The following CDK12 variants were observed in gnomAD, a reference collection of about 807,000 sequenced individuals.
The protein encoded by CDK12 is cyclin-dependent kinase 12.
CDK12 carries 17 observed loss-of-function variants against 133.8 expected under a neutral mutation model. That is an observed-to-expected ratio of 0.13 (90% CI 0.09 to 0.19). The LOEUF (loss-of-function observed/expected upper bound fraction) is 0.19. CDK12 is among the 10% of genes least tolerant of loss of function. The pLI is 1.00. For missense variants in CDK12, 1,508 were observed against 1,818.7 expected (o/e 0.83, Z 3.11); for synonymous variants, 694 against 683.6 (o/e 1.02, Z -0.24).
rs2054567471 is a variant in CDK12, at chr17:39,527,559, G to C, written c.3760+1243G>C. On this transcript the variant is annotated intron_variant, in intron 13 of 13. Transcript: ENST00000447079. ...AAGGGTTTTGTTTGTTTATTTGTTTGTTTTTGGAGGCGGAGTCTTACTCCA... is the reference window on the plus strand; with the variant it reads ...AAGGGTTTTGTTTGTTTATTTGTTTCTTTTTGGAGGCGGAGTCTTACTCCA... 2.6e-5 allele frequency among the ~76,000 whole-genome samples: 4 copies of C among 152,286 alleles called. No homozygotes were observed. In the South Asian group the frequency reaches 6.2e-4, roughly 24 times the overall value.
chr17:39,523,309 A>G (rs1166072123), intron 11 of CDK12, among the ~76,000 whole-genome samples: 1 of 152,038 alleles, frequency 6.6e-6, no homozygotes, highest in African/African-American at 2.4e-5. Flanking sequence ...CCCCGTCTCT[A>G]CTAAAAAATA....
At chr17:39,510,754 C>T (rs1432260017) in intron 7 of CDK12, among the ~76,000 whole-genome samples, 2 of 151,574 alleles carry the variant, frequency 1.3e-5, no homozygotes, top group African/African-American at 4.8e-5. Flanking sequence ...GCTGGGATTA[C>T]AGGCATGTGC....
intron 2 of CDK12, among the ~76,000 whole-genome samples, chr17:39,487,281 T>G (rs1011791807): frequency 6.6e-6 from 1 of 152,186 alleles, no homozygotes; most frequent in Admixed American, 6.6e-5. Flanking sequence ...GCTGTTGAGA[T>G]TTATGTTCTT....
At chr17:39,544,398 T>C (rs1261268152), upstream of CDK12, 6 of 463,928 alleles carry the variant, frequency 1.3e-5, no homozygotes, top group Non-Finnish European at 2.2e-5. Context: ...ACTGGCCTGC[T>C]TTTGTGTGGG....
chr17:39,476,825 G>T (rs1177259894), intron 2 of CDK12, among the ~76,000 whole-genome samples: 1 of 143,742 alleles, frequency 7.0e-6, no homozygotes, highest in Non-Finnish European at 1.5e-5. Context: ...AAGTTCAAGC[G>T]ATTCTCCTGC....
Position 39,490,336 on chromosome 17 carries a change from T to C in CDK12, c.1932-221T>C, listed in dbSNP as rs12452682. Among the ~76,000 whole-genome samples the C allele has an allele frequency of 0.63, 95,547 of 151,158 alleles. 32,844 individuals are homozygous for C. The highest frequency in any genetic ancestry group is 0.89 in the South Asian group (4,243 of 4,766). On this transcript the variant is annotated intron_variant, in intron 2 of 13. Coordinates refer to ENST00000447079, the MANE Select transcript of CDK12 (RefSeq NM_016507.4). ...GAGCCAAGATCACGCCACTGCATTC[T>C]AGCCTGGGCGACAGAGTGATACTCT...
At chr17:39,556,443 C>G (rs1398472364) in intron 3 of CDK12, 2 of 152,400 alleles carry the variant, frequency 1.3e-5, no homozygotes, top group Non-Finnish European at 2.9e-5. Context: ...GGGCCCTGCC[C>G]TGGAGTAGAG....
At chr17:39,527,535 A>C (rs753016366) in intron 13 of CDK12, among the ~76,000 whole-genome samples, 4 of 152,120 alleles carry the variant, frequency 2.6e-5, no homozygotes, top group African/African-American at 9.7e-5. Context: ...AGTAAAATGA[A>C]GGGTTTTGTT....
rs764318749 is a variant in CDK12, at chr17:39,462,188, A to T, written c.117A>T (p.Val39=). The part of the protein sequence containing the change: ...SSNSRERHRL[V]SKHKRHKSKH... Reference sequence around the variant, plus strand: ...ACAGCAGAGAGCGTCACCGCTTGGTATCGAAGCACAAGCGGCATAAGTCCA... The same window carrying T: ...ACAGCAGAGAGCGTCACCGCTTGGTTTCGAAGCACAAGCGGCATAAGTCCA... Residue 39 remains valine, a synonymous_variant, in exon 1 of 14, where the codon GTA becomes GTT. Coordinates refer to ENST00000447079, the MANE Select transcript of CDK12 (RefSeq NM_016507.4). 6.2e-7 allele frequency: 1 copy of T among 1,614,090 alleles called. No individual in the cohort carries two copies. The highest frequency in any genetic ancestry group is 2.2e-5 in the East Asian group (1 of 44,902).
upstream of CDK12, among the ~76,000 whole-genome samples, chr17:39,546,933 A>C (rs919169984): frequency 7.9e-5 from 12 of 152,126 alleles, no homozygotes; most frequent in Non-Finnish European, 1.8e-4. Context: ...CCTGGTATCA[A>C]ATGTCCATCC....
At position 39,494,812 on chromosome 17, in the gene CDK12, C is replaced by T. The variant is rs976993012; in HGVS notation, c.2419+118C>T. 2.3e-4 allele frequency: 167 copies of T among 733,532 alleles called. 1 individual carries two copies. Among genetic ancestry groups the T allele is most frequent in the Middle Eastern group, 2.0e-3 (5 of 2,476 alleles). The allele number at this position is 733,532 out of a possible 1,614,324, so 45.4% of individuals were successfully genotyped here. ...TGAGACGGAGTCTTGCTCTGTTGCC[C>T]AGGCTGAACTGCAGTGGTGCGATTT... On this transcript the variant is annotated intron_variant, in intron 5 of 13. Coordinates refer to ENST00000447079, the MANE Select transcript of CDK12 (RefSeq NM_016507.4).
chr17:39,559,641 G>A (rs2056293908), intron 3 of CDK12, among the ~76,000 whole-genome samples: 1 of 152,066 alleles, frequency 6.6e-6, no homozygotes. Context: ...CCAGAATGGA[G>A]TACAGTGTCT....
downstream of CDK12, among the ~76,000 whole-genome samples, chr17:39,537,559 T>TTATTTATTTATA (rs1440932496): frequency 1.5e-4 from 22 of 148,838 alleles, no homozygotes; most frequent in African/African-American, 5.5e-4. Flanking sequence ...ATTTATTTAT[T>TTATTTATTTATA]TATTTATTTA....
chr17:39,528,606 A>T (rs927444163), intron 13 of CDK12, among the ~76,000 whole-genome samples: 2 of 152,228 alleles, frequency 1.3e-5, no homozygotes, highest in African/African-American at 4.8e-5. Context: ...AAGTACTGGG[A>T]TTACAGGCAT....
intron 12 of CDK12, 134 bp from the exon 13 acceptor site, chr17:39,525,730 A>G (rs765722974): frequency 1.2e-5 from 8 of 659,416 alleles, no homozygotes; most frequent in Non-Finnish European, 2.1e-5. Context: ...TGACATTTTG[A>G]GGCATGAAAA....
rs1394754392 is a variant in CDK12 at position 39,534,391 on chromosome 17, G to A, written c.*3075G>A. 2 of 232,720 alleles carry A rather than the reference G, an allele frequency of 8.6e-6. No individual in the cohort carries two copies. The highest frequency in any genetic ancestry group is 6.0e-5 in the East Asian group (1 of 16,614). 14.4% of individuals were successfully genotyped at this position (232,720 alleles called of 1,614,324 possible). Reference sequence around the variant, plus strand: ...TGCCACCTCATTCTCCCTGATTTAGGTTCCTGACACTGATTCCTTTCTCTC... The same window carrying A: ...TGCCACCTCATTCTCCCTGATTTAGATTCCTGACACTGATTCCTTTCTCTC... On this transcript the variant is annotated 3_prime_UTR_variant, in exon 14 of 14. Coordinates refer to ENST00000447079, the MANE Select transcript of CDK12 (RefSeq NM_016507.4).
At position 39,541,016 on chromosome 17, in the gene CDK12, T is replaced by G. The variant is rs561204453; in HGVS notation, c.451-3233T>G. ...TTCCAACTTTGGGGAAGGGGAAGAC[T>G]GGGATATGGTGTCGCCTCCCACCAT... On this transcript the variant is annotated intron_variant and NMD_transcript_variant, in intron 1 of 4. Coordinates refer to the CDK12 transcript ENST00000559663. 4.8e-4 allele frequency among the ~76,000 whole-genome samples: 73 copies of G among 152,298 alleles called. 1 individual carries two copies. Among genetic ancestry groups the G allele is most frequent in the Admixed American group, 4.8e-3 (73 of 15,296 alleles).
chr17:39,470,796 C>A, intron 1 of CDK12, 83 bp from the exon 2 acceptor site: 2 of 1,153,240 alleles, frequency 1.7e-6, no homozygotes, highest in Non-Finnish European at 2.4e-6. Context: ...AGTTACAGTT[C>A]TTCATAGTTT....
rs143648695 is a variant in CDK12 at position 39,524,778 on chromosome 17, G to A, written c.3200G>A (p.Arg1067Gln). The A allele has an allele frequency of 8.7e-6, 14 of 1,614,074 alleles. No homozygotes were observed. The highest frequency in any genetic ancestry group is 1.6e-4 in the Middle Eastern group (1 of 6,084). ...GAGCCACCTCCATCCAAAACTTCTC[G>A]AAAAGAAACTACCTCAGGGACAAGT... ...VEEPPPSKTS[R>Q]KETTSGTSTE... Residue 1067 changes from arginine to glutamine, a missense_variant, in exon 12 of 14, where the codon CGA becomes CAA. Arg to Gln is a conservative substitution (Grantham distance 43, BLOSUM62 1). Coordinates refer to ENST00000447079, the MANE Select transcript of CDK12 (RefSeq NM_016507.4).
Sources: gnomAD v4.1 joint callset for allele counts (sites outside exome capture counted in the v4.1 genomes callset) on GRCh38, gnomAD v4.1.1 for gene constraint, MANE v1.5 for transcripts, NCBI Gene and HGNC (gene_info 2026-07-23, HGNC 2026-07-21) for gene names.